KIRREL3: variants seen among roughly 807,000 people sequenced by gnomAD.
KIRREL3 encodes the protein kin of IRRE-like protein 3.
Under a neutral mutation model 89.7 loss-of-function variants are expected in KIRREL3, and 36 were observed. That is an observed-to-expected ratio of 0.40 (90% CI 0.31 to 0.53). The LOEUF (loss-of-function observed/expected upper bound fraction) is 0.53. Ranked by LOEUF, KIRREL3 falls within the 20% of genes least tolerant of loss-of-function variation. KIRREL3 has a pLI of 0.49. For synonymous variants in KIRREL3, 445 were observed against 441.4 expected, an observed-to-expected ratio of 1.01 and a Z score of -0.10; for missense variants, 864 against 1,056.6, an observed-to-expected ratio of 0.82 and a Z score of 2.53.
rs1958091396 is a variant in KIRREL3, at chr11:126,508,265, AT to A, written c.433+13049del. 6.6e-6 allele frequency among the ~76,000 whole-genome samples: 1 copy of A among 152,096 alleles called. No homozygotes were observed. Among genetic ancestry groups the A allele is most frequent in the Non-Finnish European group, 1.5e-5 (1 of 68,008 alleles). Reference sequence around the variant, plus strand: ...TTCGGGTTGTGGGACTCAGCTATTTATTTTTGTGAGATGGAGGCTTCTGGGT... The same window carrying A: ...TTCGGGTTGTGGGACTCAGCTATTTATTTTGTGAGATGGAGGCTTCTGGGT... On this transcript the variant is annotated intron_variant, in intron 4 of 16. Transcript: ENST00000525144. The surrounding 1 kb of genome is among the most constrained non-coding windows in gnomAD (Gnocchi z 4.9).
chr11:126,727,496 G>A (rs951196696), intron 1 of KIRREL3, among the ~76,000 whole-genome samples: 37 of 152,230 alleles, frequency 2.4e-4, no homozygotes, highest in African/African-American at 8.9e-4. Flanking sequence ...TCCATGGTAA[G>A]TCTGGAGGCC....
Position 126,424,612 on chromosome 11 carries a change from G to A in KIRREL3, c.2305C>T (p.Pro769Ser). 1.2e-6 allele frequency: 2 copies of A among 1,614,054 alleles called. No homozygotes were observed. ...SSSQNSDPSRPLQRRMQTHV is the reference protein window; with the variant it reads ...SSSQNSDPSRSLQRRMQTHV The stretch of plus-strand genomic sequence containing the variant: ...TGAGTCTGCATCCGCCGCTGCAGGG[G>A]TCGACTGGGGTCAGAGTTCTGGGAC... The change falls in exon 17 of 17, where the codon CCC becomes TCC. Residue 769 changes from proline to serine, a missense_variant. By Grantham distance (74) the Pro-to-Ser change is moderately conservative. Transcript: ENST00000525144.
rs905792852 is a variant in KIRREL3 at position 126,492,790 on chromosome 11, G to A, written c.434-19324C>T. 3.9e-5 allele frequency among the ~76,000 whole-genome samples: 6 copies of A among 152,130 alleles called. No individual in the cohort carries two copies. Among genetic ancestry groups the A allele is most frequent in the African/African-American group, 7.2e-5 (3 of 41,426 alleles). ...GGAGGACTGGCTTCTTACCTGCCCC[G>A]AGACCCAGCTCTTTCCTCCTCTTGG... On this transcript the variant is annotated intron_variant, in intron 4 of 16. Coordinates refer to ENST00000525144, the MANE Select transcript of KIRREL3 (RefSeq NM_032531.4). The surrounding 1 kb of genome is among the most constrained non-coding windows in gnomAD (Gnocchi z 4.8).
chr11:126,874,891 A>G (rs1360750507), intron 1 of KIRREL3, among the ~76,000 whole-genome samples: 4 of 152,158 alleles, frequency 2.6e-5, no homozygotes, highest in African/African-American at 9.7e-5. Context: ...ACAGGCCTAG[A>G]GAGGTGGAGA....
Position 126,652,304 on chromosome 11 carries a change from GA to G in KIRREL3, c.56-89393del, listed in dbSNP as rs1944938170. 6.6e-6 allele frequency among the ~76,000 whole-genome samples: 1 copy of G among 152,150 alleles called. No individual in the cohort carries two copies. The highest frequency in any genetic ancestry group is 6.5e-5 in the Admixed American group (1 of 15,270). On this transcript the variant is annotated intron_variant, in intron 1 of 16. Coordinates refer to ENST00000525144, the MANE Select transcript of KIRREL3 (RefSeq NM_032531.4). The surrounding 1 kb of genome is among the most constrained non-coding windows in gnomAD (Gnocchi z 4.9). The stretch of plus-strand genomic sequence containing the variant: ...GCCCGGGTTGGGGTCTCTGTGGGTT[GA>G]TGGATATAAACCATCTTCTTTACTT...
At chr11:126,713,459 C>T (rs1041174454) in intron 1 of KIRREL3, among the ~76,000 whole-genome samples, 2 of 152,112 alleles carry the variant, frequency 1.3e-5, no homozygotes, top group Admixed American at 1.3e-4. Context: ...AAAGGGGAGC[C>T]CCAGGATGCC....
intron 1 of KIRREL3, among the ~76,000 whole-genome samples, chr11:126,621,096 C>T (rs539698673): frequency 3.3e-5 from 5 of 152,308 alleles, no homozygotes; most frequent in Admixed American, 1.3e-4. Context: ...GCACCTTCAT[C>T]AGGGTTTAAA....
chr11:126,873,859 C>T (rs148475166), intron 1 of KIRREL3, among the ~76,000 whole-genome samples: 1,836 of 152,328 alleles, frequency 0.012, 140 homozygotes, highest in Admixed American at 0.11. Context: ...AGAACACCAA[C>T]GTATGGAATT....
chr11:126,951,741 A>G (rs978809957), intron 1 of KIRREL3, among the ~76,000 whole-genome samples: 1 of 152,226 alleles, frequency 6.6e-6, no homozygotes, highest in African/African-American at 2.4e-5. Context: ...GAGATGCTGG[A>G]GCCAAGGTAA....
chr11:126,937,510 T>C (rs1455374243), intron 1 of KIRREL3, among the ~76,000 whole-genome samples: 1 of 152,100 alleles, frequency 6.6e-6, no homozygotes, highest in Non-Finnish European at 1.5e-5. Flanking sequence ...TGGAGGAGCT[T>C]TGGAGAAAGC....
rs1028511526 is a variant in KIRREL3, at chr11:126,622,696, C to CA, written c.56-59785dup. ...AAGAGCGAAACTCTGTCTCAAAAAA[C>CA]AAAAAAACAAATAAAAACTCCACAA... is the stretch of plus-strand genomic sequence containing the variant. On this transcript the variant is annotated intron_variant, in intron 1 of 16. Coordinates refer to ENST00000525144, the MANE Select transcript of KIRREL3 (RefSeq NM_032531.4). This position sits in a 1 kb window ranked among gnomAD's most constrained non-coding sequence, Gnocchi z 5.2. Among the ~76,000 whole-genome samples, 17 of 151,954 alleles carry CA rather than the reference C, an allele frequency of 1.1e-4. No individual in the cohort carries two copies. Among genetic ancestry groups the CA allele is most frequent in the African/African-American group, 1.4e-4 (6 of 41,380 alleles).
At chr11:126,439,628 C>T (rs1025444921) in intron 11 of KIRREL3, among the ~76,000 whole-genome samples, 16 of 151,122 alleles carry the variant, frequency 1.1e-4, no homozygotes, top group African/African-American at 3.6e-4. Context: ...ACCAGCCTGA[C>T]CAACATGGTG....
rs1320675301 is a variant in KIRREL3 at position 126,931,746 on chromosome 11, G to A, written c.55+68709C>T. ...TCACCAGTTTACAGACAGTAGCAAT[G>A]AGGCCAGAAAGGTGGACTCAATCCC... On this transcript the variant is annotated intron_variant, in intron 1 of 16. Transcript: ENST00000525144. The surrounding 1 kb of genome is among the most constrained non-coding windows in gnomAD (Gnocchi z 5.1). Among the ~76,000 whole-genome samples, 1 of 152,150 alleles carries A rather than the reference G, an allele frequency of 6.6e-6. No homozygotes were observed. Among genetic ancestry groups the A allele is most frequent in the African/African-American group, 2.4e-5 (1 of 41,428 alleles).
rs1941362175 is a variant in KIRREL3 at position 126,578,268 on chromosome 11, C to T, written c.56-15356G>A. ...TTGCAGCCCAGGAAATGCTCCCTCC[C>T]TCTCCCCTCCAGCTTCTCTGCAAAT... On this transcript the variant is annotated intron_variant, in intron 1 of 16. Transcript: ENST00000525144. This position sits in a 1 kb window ranked among gnomAD's most constrained non-coding sequence, Gnocchi z 4.9. Among the ~76,000 whole-genome samples, 1 of 152,208 alleles carries T rather than the reference C, an allele frequency of 6.6e-6. No individual in the cohort carries two copies. The highest frequency in any genetic ancestry group is 2.1e-4 in the South Asian group (1 of 4,830).
intron 1 of KIRREL3, among the ~76,000 whole-genome samples, chr11:126,690,111 C>T (rs1232993114): frequency 6.6e-6 from 1 of 152,204 alleles, no homozygotes; most frequent in Non-Finnish European, 1.5e-5. Context: ...GTCTCTCAAC[C>T]TCCCCAGTTT....
At chr11:126,552,478 ATC>A (rs1206512485) in intron 2 of KIRREL3, among the ~76,000 whole-genome samples, 2 of 145,442 alleles carry the variant, frequency 1.4e-5, no homozygotes, top group African/African-American at 5.0e-5. Flanking sequence ...CTTAGAAGTT[ATC>A]TCTGTTTCCA....
Position 126,861,980 on chromosome 11 carries a change from G to A in KIRREL3, c.55+138475C>T, listed in dbSNP as rs112021455. Among the ~76,000 whole-genome samples, 425 of 152,336 alleles carry A rather than the reference G, an allele frequency of 2.8e-3. 1 individual carries two copies. Among genetic ancestry groups the A allele is most frequent in the African/African-American group, 9.5e-3 (394 of 41,578 alleles). On this transcript the variant is annotated intron_variant, in intron 1 of 16. Coordinates refer to ENST00000525144, the MANE Select transcript of KIRREL3 (RefSeq NM_032531.4). ...GAGTGCACATGAGCATGGCTCGTAG[G>A]CACCTGGGCATGGAAAAGGACCTCT...
At chr11:126,517,827 G>T (rs556762598) in intron 4 of KIRREL3, among the ~76,000 whole-genome samples, 9 of 152,310 alleles carry the variant, frequency 5.9e-5, no homozygotes, top group African/African-American at 2.2e-4. Flanking sequence ...TGAGACCCAG[G>T]TTGAGAAACA....
chr11:126,499,661 G>A (rs547909035), intron 4 of KIRREL3, among the ~76,000 whole-genome samples: 11 of 152,208 alleles, frequency 7.2e-5, no homozygotes, highest in Non-Finnish European at 1.5e-4. Flanking sequence ...CAGGGTGGGC[G>A]TCTATCTTTC....
Sources: gnomAD v4.1 joint callset for allele counts (sites outside exome capture counted in the v4.1 genomes callset) on GRCh38, gnomAD v4.1.1 for gene constraint, Gnocchi (gnomAD v3.1) non-coding constraint, MANE v1.5 for transcripts, NCBI Gene and HGNC (gene_info 2026-07-23, HGNC 2026-07-21) for gene names.